HIRA: variants seen among roughly 807,000 people sequenced by gnomAD.
HIRA encodes histone cell cycle regulator.
In HIRA, 13 loss-of-function variants were observed where a neutral mutation model predicts 126.6. The observed-to-expected ratio is 0.10, with a 90% CI of 0.07 to 0.16. HIRA has a LOEUF of 0.16. HIRA is among the 10% of genes least tolerant of loss of function. The probability of loss-of-function intolerance (pLI) is 1.00; values close to 1 mark genes in which losing one functional copy is unlikely to be tolerated. For missense variants in HIRA, 834 were observed against 1,314.4 expected (o/e 0.63, Z 5.65); for synonymous variants, 511 against 520.0 (o/e 0.98, Z 0.24).
At chr22:19,430,900 T>C (rs545273457) in intron 1 of HIRA, among the ~76,000 whole-genome samples, 2 of 152,324 alleles carry the variant, frequency 1.3e-5, no homozygotes, top group Admixed American at 1.3e-4. Context: ...CAGCTCAGCA[T>C]TAATCGTGGA....
intron 24 of HIRA, among the ~76,000 whole-genome samples, chr22:19,342,074 G>A (rs1222296251): frequency 6.6e-6 from 1 of 152,080 alleles, no homozygotes; most frequent in Non-Finnish European, 1.5e-5. Flanking sequence ...CTAATATCTG[G>A]AATCTACAAG....
At chr22:19,400,586 A>G (rs549624286) in intron 5 of HIRA, among the ~76,000 whole-genome samples, 7 of 152,318 alleles carry the variant, frequency 4.6e-5, no homozygotes, top group African/African-American at 1.7e-4. Context: ...CATACATGAC[A>G]TAATTTTCTC....
Position 19,388,533 on chromosome 22 carries a change from G to T in HIRA, c.958C>A (p.Leu320Met), listed in dbSNP as rs1199951957. 1 of 1,613,606 alleles carries T rather than the reference G, an allele frequency of 6.2e-7. No homozygotes were observed. Among genetic ancestry groups the T allele is most frequent in the African/African-American group, 1.3e-5 (1 of 74,914 alleles). ...TCAAACAGTTCATGGATGACCACCA[G>T]CGGCCGTTTCAGACATGTGAGCTGG... ...SVWLTCLKRP[L>M]VVIHELFDKS... Residue 320 changes from leucine (L) to methionine (M), a missense_variant, in exon 10 of 25, where the codon CTG becomes ATG. By Grantham distance (15) the Leu-to-Met change is conservative (BLOSUM62 2). This residue lies in a region of HIRA where 153 missense variants were observed against 270.6 expected (regional missense o/e 0.57). Transcript: ENST00000263208.
In HIRA at chr22:19,351,771, T is replaced by C. The variant is rs782476160; in HGVS notation, c.2849-325A>G. ...TAAGGTGATGGGAAGATATGGGAAA[T>C]TGTGGGCTGGTGAGATCTGTCTTTG... On this transcript the variant is annotated intron_variant, in intron 23 of 24. Transcript: ENST00000263208. The surrounding 1 kb of genome is among the most constrained non-coding windows in gnomAD (Gnocchi z 4.8). Among the ~76,000 whole-genome samples, 1 of 152,076 alleles carries C rather than the reference T, an allele frequency of 6.6e-6. No individual in the cohort carries two copies. The highest frequency in any genetic ancestry group is 1.5e-5 in the Non-Finnish European group (1 of 68,018).
At chr22:19,398,970 A>G (rs988549993) in intron 5 of HIRA, 1 of 273,822 alleles carries the variant, frequency 3.7e-6, no homozygotes, top group Non-Finnish European at 5.6e-6. Flanking sequence ...CCCTGTCTCA[A>G]AAAACAAACA....
intron 8 of HIRA, 65 bp from the exon 9 acceptor site, chr22:19,392,279 G>C: frequency 9.3e-6 from 9 of 965,846 alleles, no homozygotes; most frequent in Non-Finnish European, 1.4e-5. Context: ...CTGTGCCCAA[G>C]TCCCAGCCCA....
chr22:19,393,570 C>T (rs953366910), intron 8 of HIRA, among the ~76,000 whole-genome samples: 2 of 152,022 alleles, frequency 1.3e-5, no homozygotes, highest in Non-Finnish European at 2.9e-5. Flanking sequence ...GTTGGTCAGG[C>T]TGGTCTTGAC....
chr22:19,387,898 G>A, intron 10 of HIRA, 82 bp from the exon 11 acceptor site: 6 of 925,806 alleles, frequency 6.5e-6, no homozygotes, highest in Non-Finnish European at 1.0e-5. Context: ...TGTGAGGATG[G>A]TGGGCAGTGT....
At position 19,394,456 on chromosome 22, in the gene HIRA, G is replaced by A. The variant is rs775426858; in HGVS notation, c.708C>T (p.Tyr236=). 2 of 1,614,060 alleles carry A rather than the reference G, an allele frequency of 1.2e-6. No homozygotes were observed. The highest frequency in any genetic ancestry group is 1.7e-6 in the Non-Finnish European group (2 of 1,179,958). ...TGTTCATGGCATGGGCAGACACCAG[G>A]TAATGCCCATCAGGTGACCAGCTGA... is the stretch of plus-strand genomic sequence containing the variant. ...LRLSWSPDGH[Y]LVSAHAMNNS... is the part of the protein sequence containing the mutation. Residue 236 remains tyrosine (Y), a synonymous_variant, in exon 8 of 25, where the codon TAC becomes TAT. Transcript: ENST00000263208.
chr22:19,401,937 G>T (rs1323481857), intron 5 of HIRA, among the ~76,000 whole-genome samples: 1 of 152,142 alleles, frequency 6.6e-6, no homozygotes, highest in African/African-American at 2.4e-5. Flanking sequence ...CTCTGCCACG[G>T]TCTCAAAGGC....
At chr22:19,337,559 G>C (rs534622151) in intron 24 of HIRA, among the ~76,000 whole-genome samples, 1 of 152,190 alleles carries the variant, frequency 6.6e-6, no homozygotes, top group Non-Finnish European at 1.5e-5. Flanking sequence ...TTCCTAAGAA[G>C]AGAAATCTAA....
chr22:19,423,651 G>T (rs2089467211), intron 1 of HIRA, among the ~76,000 whole-genome samples: 1 of 152,144 alleles, frequency 6.6e-6, no homozygotes, highest in Non-Finnish European at 1.5e-5. Flanking sequence ...CTCAAATAAG[G>T]CCTGCTGTCC....
chr22:19,334,456 G>C (rs1556005446), intron 24 of HIRA, among the ~76,000 whole-genome samples: 1 of 150,508 alleles, frequency 6.6e-6, no homozygotes, highest in Non-Finnish European at 1.5e-5. Flanking sequence ...TTCGAGACCA[G>C]TCTGGCCAAC....
At chr22:19,377,707 C>T (rs2089032025) in intron 14 of HIRA, among the ~76,000 whole-genome samples, 162 bp downstream of exon 14, 3 of 152,182 alleles carry the variant, frequency 2.0e-5, no homozygotes, top group African/African-American at 7.2e-5. Context: ...CTGAACAAGT[C>T]CTCCCCTCTG....
At chr22:19,371,666 T>C (rs1429463214) in intron 15 of HIRA, among the ~76,000 whole-genome samples, 1 of 152,232 alleles carries the variant, frequency 6.6e-6, no homozygotes, top group African/African-American at 2.4e-5. Context: ...CCACTGTTAC[T>C]CTACTTTCTT....
Position 19,359,262 on chromosome 22 carries a change from G to T in HIRA, c.2234+74C>A, listed in dbSNP as rs1048098978. ...CTCCCAGGGTCATGCACCTCCCCTA[G>T]ACAGGCCCAGGCCCAGAATGATGGC... On this transcript the variant is annotated intron_variant, in intron 18 of 24. Coordinates refer to ENST00000263208, the MANE Select transcript of HIRA (RefSeq NM_003325.4). The T allele has an allele frequency of 6.3e-6, 9 of 1,434,416 alleles. No homozygotes were observed. The Admixed American group carries it at 1.3e-4, about 21-fold the overall frequency. 88.9% of individuals were successfully genotyped at this position (1,434,416 alleles called of 1,614,324 possible).
chr22:19,392,578 G>A (rs9606004), intron 8 of HIRA, among the ~76,000 whole-genome samples: 200 of 152,350 alleles, frequency 1.3e-3, no homozygotes, highest in Non-Finnish European at 1.4e-3. Context: ...CTGCAGAAAA[G>A]CTGAGCCTGC....
intron 15 of HIRA, among the ~76,000 whole-genome samples, chr22:19,367,611 C>T (rs1003591365): frequency 6.6e-6 from 1 of 152,204 alleles, no homozygotes; most frequent in Non-Finnish European, 1.5e-5. Flanking sequence ...AGGTGATCTG[C>T]CTGCCTTGGC....
At chr22:19,335,540 G>A (rs782134069) in intron 24 of HIRA, among the ~76,000 whole-genome samples, 115 of 152,136 alleles carry the variant, frequency 7.6e-4, no homozygotes, top group Middle Eastern at 3.4e-3. Context: ...CCACCGCGCC[G>A]AACGAGAACT....
Sources: allele counts gnomAD v4.1 joint callset (sites outside exome capture counted in the v4.1 genomes callset), GRCh38; gene constraint gnomAD v4.1.1; regional missense constraint gnomAD v4.1.1; non-coding constraint Gnocchi (gnomAD v3.1); transcripts MANE v1.5; gene names NCBI Gene and HGNC (gene_info 2026-07-23, HGNC 2026-07-21).